The following ARHGEF11 variants were observed in gnomAD, a reference collection of about 807,000 sequenced individuals.
ARHGEF11 encodes the protein Rho guanine exchange factor (GEF) 11.
ARHGEF11 carries 55 observed loss-of-function variants against 193.7 expected under a neutral mutation model. The observed-to-expected ratio is 0.28, with a 90% CI of 0.23 to 0.36. ARHGEF11 has a LOEUF of 0.36. Among genes scored for constraint, ARHGEF11 ranks in the 10% least tolerant of loss-of-function variants. The probability of loss-of-function intolerance (pLI) is 1.00; values close to 1 mark genes in which losing one functional copy is unlikely to be tolerated. For synonymous variants in ARHGEF11, 693 were observed against 768.0 expected (o/e 0.90, Z 1.62); for missense variants, 1,723 against 2,005.6 (o/e 0.86, Z 2.69).
At chr1:156,992,968 C>A (rs1275300939) in intron 1 of ARHGEF11, among the ~76,000 whole-genome samples, 1 of 152,196 alleles carries the variant, frequency 6.6e-6, no homozygotes, top group Non-Finnish European at 1.5e-5. Context: ...GGTCTACTCA[C>A]CCTTACGCCT....
chr1:156,948,882 G>A lies in ARHGEF11; in HGVS notation c.1926-384C>T. 1 of 985,424 alleles carries A rather than the reference G, an allele frequency of 1.0e-6. No homozygotes were observed. The highest frequency in any genetic ancestry group is 1.2e-6 in the Non-Finnish European group (1 of 829,920). 61.0% of individuals were successfully genotyped at this position (985,424 alleles called of 1,614,324 possible). On this transcript the variant is annotated intron_variant, in intron 22 of 40. Transcript: ENST00000368194. This position sits in a 1 kb window ranked among gnomAD's most constrained non-coding sequence, Gnocchi z 4.2. Reference sequence around the variant, plus strand: ...CATCGTCCCTCAACAGGGAACACAAGGTCCCAGCTCCCTGCCCCTAGTGGC... The same window carrying A: ...CATCGTCCCTCAACAGGGAACACAAAGTCCCAGCTCCCTGCCCCTAGTGGC...
rs936303044 is a variant in ARHGEF11, at chr1:157,044,508, G to T, written c.-178C>A. ...GATGCTCCACTCTACTTCTACCAGT[G>T]AACATGATTTCCTTTCTCAGCCCCT... On this transcript the variant is annotated 5_prime_UTR_variant, in exon 1 of 41. Transcript: ENST00000368194. 43 of 502,476 alleles carry T rather than the reference G, an allele frequency of 8.6e-5. No individual in the cohort carries two copies. Among genetic ancestry groups the T allele is most frequent in the African/African-American group, 7.1e-4 (36 of 50,472 alleles). The allele number at this position is 502,476 out of a possible 1,614,324, so 31.1% of individuals were successfully genotyped here.
intron 33 of ARHGEF11, 66 bp from the exon 34 acceptor site, chr1:156,942,055 C>G (rs535734282): frequency 3.8e-5 from 61 of 1,609,866 alleles, no homozygotes; most frequent in South Asian, 9.9e-5. Flanking sequence ...CCACCCCGTA[C>G]TGAGCCCACT....
upstream of ARHGEF11, among the ~76,000 whole-genome samples, chr1:157,045,838 T>C (rs1342202339): frequency 1.3e-5 from 2 of 149,560 alleles, no homozygotes; most frequent in Non-Finnish European, 3.0e-5. Context: ...CCCCCTTCCC[T>C]CCCTCCTTCC....
intron 16 of ARHGEF11, 29 bp downstream of exon 16, chr1:156,959,017 A>G (rs573664390): frequency 1.2e-6 from 2 of 1,612,594 alleles, no homozygotes; most frequent in African/African-American, 1.3e-5. Context: ...GAACGAGGAG[A>G]GAGGTGGGAG....
At chr1:156,972,849 T>C (rs1404432507) in intron 7 of ARHGEF11, among the ~76,000 whole-genome samples, 2 of 152,202 alleles carry the variant, frequency 1.3e-5, no homozygotes, top group African/African-American at 4.8e-5. Flanking sequence ...TCTGACTGCT[T>C]TGGGCTCTTC....
intron 11 of ARHGEF11, among the ~76,000 whole-genome samples, chr1:156,966,719 A>C (rs1661714645): frequency 6.6e-6 from 1 of 152,218 alleles, no homozygotes; most frequent in Admixed American, 6.5e-5. Flanking sequence ...CTTTTGATTA[A>C]CCCAGGAAAA....
intron 11 of ARHGEF11, among the ~76,000 whole-genome samples, chr1:156,965,377 C>A (rs1661547640): frequency 6.6e-6 from 1 of 152,178 alleles, no homozygotes; most frequent in African/African-American, 2.4e-5. Flanking sequence ...GGAAAGAGCT[C>A]CGTGTTGGGG....
At chr1:156,937,605 C>T in intron 38 of ARHGEF11, 109 bp from the exon 39 acceptor site, 6 of 1,223,460 alleles carry the variant, frequency 4.9e-6, no homozygotes, top group Non-Finnish European at 6.8e-6. Context: ...CCAGGCAGTC[C>T]TCTCCAGACA....
intron 40 of ARHGEF11, among the ~76,000 whole-genome samples, chr1:156,936,480 G>GAAAAAAAAAAA (rs35863393): frequency 1.0e-4 from 5 of 48,018 alleles, no homozygotes; most frequent in African/African-American, 4.7e-4. Flanking sequence ...CAAATAAATA[G>GAAAAAAAAAAA]AAAAAAAAAA....
rs1471818205 is a variant in ARHGEF11, at chr1:156,991,785, C to T, written c.33-5612G>A. Among the ~76,000 whole-genome samples the T allele has an allele frequency of 6.4e-4, 80 of 125,258 alleles. No individual in the cohort carries two copies. In the Middle Eastern group the frequency reaches 0.028, roughly 44 times the overall value. 82.2% of individuals were successfully genotyped at this position (125,258 alleles called of 152,430 possible). ...AGGCTGGAGTGCAGTGGCGGGATCT[C>T]GGCTCACTGCAAGCTCCGCCTCCCG... On this transcript the variant is annotated intron_variant, in intron 1 of 40. Coordinates refer to ENST00000368194, the MANE Select transcript of ARHGEF11 (RefSeq NM_198236.3).
At chr1:156,947,200 G>T in intron 26 of ARHGEF11, 104 bp downstream of exon 26, 2 of 1,505,590 alleles carry the variant, frequency 1.3e-6, no homozygotes, top group Non-Finnish European at 1.8e-6. Context: ...ACCAGGGATT[G>T]GTGGGAGGTT....
rs761894668 is a variant in ARHGEF11 at position 156,939,536 on chromosome 1, CATTT to C, written c.4096+8_4096+11del. 28 of 1,608,558 alleles carry C rather than the reference CATTT, an allele frequency of 1.7e-5. No homozygotes were observed. Among genetic ancestry groups the C allele is most frequent in the Non-Finnish European group, 2.3e-5 (27 of 1,179,988 alleles). On this transcript the variant is annotated splice_region_variant and intron_variant, in intron 37 of 40. Transcript: ENST00000368194. ...TGCTTGTCTCCCCACTGGACACTCC[CATTT>C]ATTTTACCTTTTCTCACAACTTTGT...
chr1:156,943,674 C>T (rs1358434504), intron 32 of ARHGEF11, among the ~76,000 whole-genome samples: 3 of 152,220 alleles, frequency 2.0e-5, no homozygotes, highest in Non-Finnish European at 4.4e-5. Flanking sequence ...CCTGGGTGTG[C>T]ACATCCCATC....
intron 25 of ARHGEF11, 135 bp downstream of exon 25, chr1:156,947,634 C>A: frequency 7.4e-7 from 1 of 1,345,220 alleles, no homozygotes; most frequent in Non-Finnish European, 1.0e-6. Context: ...CTTATAGCAA[C>A]AGGCAATGTG....
chr1:156,946,737 A>G lies in ARHGEF11; in HGVS notation c.2619T>C (p.Cys873=). 1 of 1,614,160 alleles carries G rather than the reference A, an allele frequency of 6.2e-7. No homozygotes were observed. The highest frequency in any genetic ancestry group is 8.5e-7 in the Non-Finnish European group (1 of 1,180,030). Residue 873 remains cysteine, a synonymous_variant, in exon 28 of 41, where the codon TGT becomes TGC. Transcript: ENST00000368194. ...GCTCTAGGGCTATTGACTGATAGGA[A>G]CAGAACTGTGCAGCCACTTGCTGGA... is the stretch of plus-strand genomic sequence containing the variant. ...EELQQVAAQF[C]SYQSIALELI... is the part of the protein sequence containing the mutation.
At chr1:156,971,100 C>T (rs1158289454) in intron 8 of ARHGEF11, among the ~76,000 whole-genome samples, 1 of 152,078 alleles carries the variant, frequency 6.6e-6, no homozygotes, top group Non-Finnish European at 1.5e-5. Context: ...TTCTTATTTA[C>T]CCCAAGAATT....
chr1:157,019,089 T>G (rs1035907543), intron 1 of ARHGEF11, among the ~76,000 whole-genome samples: 5 of 152,222 alleles, frequency 3.3e-5, no homozygotes, highest in African/African-American at 1.2e-4. Flanking sequence ...GATTTATTCA[T>G]TAAATACAAA....
At chr1:156,994,645 G>C (rs189776639) in intron 1 of ARHGEF11, among the ~76,000 whole-genome samples, 2 of 152,134 alleles carry the variant, frequency 1.3e-5, no homozygotes, top group Non-Finnish European at 2.9e-5. Context: ...CAGAGAACTC[G>C]TGTGTTGAGA....
Sources: gnomAD v4.1 joint callset for allele counts (sites outside exome capture counted in the v4.1 genomes callset) on GRCh38, gnomAD v4.1.1 for gene constraint, Gnocchi (gnomAD v3.1) non-coding constraint, MANE v1.5 for transcripts, NCBI Gene and HGNC (gene_info 2026-07-23, HGNC 2026-07-21) for gene names.